The following TRIO variants were observed in gnomAD, a reference collection of about 807,000 sequenced individuals.
TRIO encodes the protein trio Rho guanine nucleotide exchange factor, also known as triple functional domain protein.
Under a neutral mutation model 351.9 loss-of-function variants are expected in TRIO, and 58 were observed. The ratio of observed to expected loss-of-function variants is 0.16; its 90% CI spans 0.13 to 0.21. The LOEUF is 0.21. TRIO is among the 10% of genes least tolerant of loss of function. The pLI is 1.00. For missense variants in TRIO, 3,201 were observed against 4,027.8 expected (o/e 0.79, Z 5.56); for synonymous variants, 1,758 against 1,595.7 (o/e 1.10, Z -2.42).
chr5:14,363,052 G>A (rs1297373114), intron 13 of TRIO, among the ~76,000 whole-genome samples: 3 of 144,862 alleles, frequency 2.1e-5, no homozygotes, highest in Non-Finnish European at 4.5e-5. Context: ...ATGCTGGAGT[G>A]TAATGGTGCC....
chr5:14,170,114 G>A (rs954815956), intron 1 of TRIO, among the ~76,000 whole-genome samples: 3 of 152,304 alleles, frequency 2.0e-5, no homozygotes, highest in African/African-American at 7.2e-5. Context: ...ATCCTGGGAT[G>A]CGTTTTCTGT....
chr5:14,381,084 C>T (rs370232216), intron 20 of TRIO, 46 bp from the exon 21 acceptor site: 13 of 1,582,294 alleles, frequency 8.2e-6, no homozygotes, highest in African/African-American at 1.4e-5. Context: ...GGGCTCCTCT[C>T]AGGAATGTGT....
At chr5:14,488,446 T>A in intron 48 of TRIO, 186 bp downstream of exon 48, 1 of 798,004 alleles carries the variant, frequency 1.3e-6, no homozygotes, top group Non-Finnish European at 1.9e-6. Flanking sequence ...TACTCCTTGC[T>A]TTGTTCGTGT....
chr5:14,472,571 A>G, intron 38 of TRIO, 21 bp from the exon 39 acceptor site: 1 of 1,613,604 alleles, frequency 6.2e-7, no homozygotes, highest in Non-Finnish European at 8.5e-7. Context: ...TTGCATGATA[A>G]ACAATATTTT....
At chr5:14,366,464 T>C (rs1744598063) in intron 15 of TRIO, among the ~76,000 whole-genome samples, 1 of 152,190 alleles carries the variant, frequency 6.6e-6, no homozygotes. Flanking sequence ...TTTTCAAGCA[T>C]TTGCCAATTT....
intron 36 of TRIO, among the ~76,000 whole-genome samples, chr5:14,464,670 T>C (rs2126517697): frequency 6.6e-6 from 1 of 152,302 alleles, no homozygotes; most frequent in South Asian, 2.1e-4. Context: ...GTAAAAGCCT[T>C]GTTGTGAGTG....
At chr5:14,185,191 C>G (rs1228289939) in intron 1 of TRIO, among the ~76,000 whole-genome samples, 1 of 136,614 alleles carries the variant, frequency 7.3e-6, no homozygotes, top group Non-Finnish European at 1.6e-5. Flanking sequence ...TCCTTTCCTT[C>G]TTGTTTCTTC....
Position 14,336,703 on chromosome 5 carries a change from G to A in TRIO, c.2022G>A (p.Val674=), listed in dbSNP as rs2152319396. Residue 674 remains valine (V), a synonymous_variant, in exon 11 of 57, where the codon GTG becomes GTA. Coordinates refer to ENST00000344204, the MANE Select transcript of TRIO (RefSeq NM_007118.4). Reference sequence around the variant, plus strand: ...GAAAGATCCTACTGGACATGTCAGTGTCCTTTCACACCCATGTGAAAGAGG... The same window carrying A: ...GAAAGATCCTACTGGACATGTCAGTATCCTTTCACACCCATGTGAAAGAGG... ...EQRKILLDMS[V]SFHTHVKELW... is the part of the protein sequence containing the mutation. 1 of 1,614,206 alleles carries A rather than the reference G, an allele frequency of 6.2e-7. No homozygotes were observed. The highest frequency in any genetic ancestry group is 2.2e-5 in the East Asian group (1 of 44,878).
In TRIO at chr5:14,183,460, G is replaced by A. The variant is rs568177133; in HGVS notation, c.157+39578G>A. 3.5e-4 allele frequency among the ~76,000 whole-genome samples: 53 copies of A among 152,172 alleles called. 1 individual carries two copies. Among genetic ancestry groups the A allele is most frequent in the African/African-American group, 1.3e-3 (53 of 41,514 alleles). On this transcript the variant is annotated intron_variant, in intron 1 of 56. Transcript: ENST00000344204. Reference sequence around the variant, plus strand: ...GCTTAAAAGGGATCAGTTTGTTAAAGTACTCTTTCAGAATAATTATTGCAT... The same window carrying A: ...GCTTAAAAGGGATCAGTTTGTTAAAATACTCTTTCAGAATAATTATTGCAT...
intron 1 of TRIO, among the ~76,000 whole-genome samples, chr5:14,151,786 AC>A (rs1307129531): frequency 3.1e-4 from 47 of 152,352 alleles, no homozygotes; most frequent in African/African-American, 8.4e-4. Context: ...GAAGGATGCC[AC>A]TGATACCTGT....
chr5:14,364,916 G>A (rs1744465447), intron 15 of TRIO, 100 bp downstream of exon 15: 3 of 1,418,796 alleles, frequency 2.1e-6, no homozygotes, highest in African/African-American at 2.9e-5. Flanking sequence ...GAAGGATTGT[G>A]CCTGCTCAGA....
chr5:14,477,843 A>G (rs747410657), intron 41 of TRIO, among the ~76,000 whole-genome samples: 3 of 152,208 alleles, frequency 2.0e-5, no homozygotes, highest in Non-Finnish European at 4.4e-5. Context: ...CCAAAAATCC[A>G]GTTTTTGAAC....
At chr5:14,259,474 C>T (rs940191610) in intron 1 of TRIO, among the ~76,000 whole-genome samples, 1 of 152,186 alleles carries the variant, frequency 6.6e-6, no homozygotes, top group Admixed American at 6.5e-5. Flanking sequence ...TTTGTAATTT[C>T]TTAAATTTCT....
chr5:14,430,371 T>G (rs969701514), intron 34 of TRIO, among the ~76,000 whole-genome samples: 1 of 152,220 alleles, frequency 6.6e-6, no homozygotes, highest in Non-Finnish European at 1.5e-5. Context: ...GAAATATTTA[T>G]GTAAATCATC....
intron 10 of TRIO, among the ~76,000 whole-genome samples, chr5:14,335,318 G>A (rs1004191747): frequency 4.6e-5 from 7 of 152,120 alleles, no homozygotes; most frequent in East Asian, 3.9e-4. Flanking sequence ...CCGATGAGAC[G>A]CCTTCCCTGC....
chr5:14,366,535 C>T (rs1349319618), intron 15 of TRIO, among the ~76,000 whole-genome samples: 1 of 152,200 alleles, frequency 6.6e-6, no homozygotes, highest in Non-Finnish European at 1.5e-5. Context: ...CAGGGAATTC[C>T]TGGTGTCAGT....
intron 34 of TRIO, among the ~76,000 whole-genome samples, chr5:14,438,319 C>T (rs1486924507): frequency 6.6e-6 from 1 of 152,176 alleles, no homozygotes; most frequent in Non-Finnish European, 1.5e-5. Flanking sequence ...TTTCCTGACC[C>T]CCTTTACTTA....
intron 21 of TRIO, among the ~76,000 whole-genome samples, chr5:14,386,993 G>A (rs896417962): frequency 1.3e-5 from 2 of 152,246 alleles, no homozygotes; most frequent in African/African-American, 2.4e-5. Context: ...AAACCAAAAA[G>A]TCAGATGACT....
In TRIO at chr5:14,487,745, G is replaced by A. The variant is rs1452094943; in HGVS notation, c.7117G>A (p.Gly2373Arg). 3 of 1,404,512 alleles carry A rather than the reference G, an allele frequency of 2.1e-6. No homozygotes were observed. Among genetic ancestry groups the A allele is most frequent in the South Asian group, 1.6e-5 (1 of 64,364 alleles). The allele number at this position is 1,404,512 out of a possible 1,614,324, so 87.0% of individuals were successfully genotyped here. ...ADKMSGTSTPGPSLPPPGAAP... is the reference protein window; with the variant it reads ...ADKMSGTSTPRPSLPPPGAAP... ...CAAGATGTCAGGTACGTCCACCCCC[G>A]GGCCCTCCCTGCCTCCCCCTGGCGC... The change falls in exon 48 of 57, where the codon GGG becomes AGG. Residue 2373 changes from glycine (G) to arginine (R), a missense_variant. Gly to Arg is a moderately radical substitution (Grantham distance 125, BLOSUM62 -2). Around this residue, in one of 19 missense-constraint regions of TRIO, gnomAD observed 1,089 missense variants for 954.9 expected, o/e 1.14. Transcript: ENST00000344204.
Sources: allele counts gnomAD v4.1 joint callset (sites outside exome capture counted in the v4.1 genomes callset), GRCh38; gene constraint gnomAD v4.1.1; regional missense constraint gnomAD v4.1.1; transcripts MANE v1.5; gene names NCBI Gene and HGNC (gene_info 2026-07-23, HGNC 2026-07-21).